The following REXO1 variants were observed in gnomAD, a reference collection of about 807,000 sequenced individuals.
The protein encoded by REXO1 is RNA exonuclease 1 homolog.
REXO1 carries 42 observed loss-of-function variants against 102.6 expected under a neutral mutation model. The observed-to-expected ratio is 0.41, with a 90% CI of 0.32 to 0.53. The LOEUF (loss-of-function observed/expected upper bound fraction) is 0.53. REXO1 is among the 20% of genes least tolerant of loss of function. The probability of loss-of-function intolerance (pLI) is 0.27; values close to 1 mark genes in which losing one functional copy is unlikely to be tolerated. For synonymous variants in REXO1, 908 were observed against 779.1 expected, an observed-to-expected ratio of 1.17 and a Z score of -2.76; for missense variants, 1,819 against 1,732.5, an observed-to-expected ratio of 1.05 and a Z score of -0.89.
intron 1 of REXO1, chr19:1,835,034 G>A (rs1183990929): frequency 2.5e-6 from 1 of 393,966 alleles, no homozygotes. Flanking sequence ...CCTGGGGCTC[G>A]GCCATGGCTG....
chr19:1,816,286 G>C lies in REXO1; in HGVS notation c.3516C>G (p.Pro1172=). 6.3e-7 allele frequency: 1 copy of C among 1,589,138 alleles called. No homozygotes were observed. The highest frequency in any genetic ancestry group is 8.6e-7 in the Non-Finnish European group (1 of 1,168,234). Residue 1172 remains proline, a synonymous_variant, in exon 15 of 16, where the codon CCC becomes CCG. Coordinates refer to ENST00000170168, the MANE Select transcript of REXO1 (RefSeq NM_020695.4). ...TGAGGTTCCGCAGGGACCGCTTGTA[G>C]GGGAGGCCCAGGCGGTGGGGGAAGA... ...SVLFPHRLGL[P]YKRSLRNLMA...
chr19:1,817,704 C>CACCT lies in REXO1; in HGVS notation c.3089_3090+2dup. ...CAGAGGGGACTGGGACGCCAGGGCT[C>CACCT]ACCTTTGCGACTTGGCAGCCGACAG... On this transcript the variant is annotated splice_region_variant and intron_variant, in intron 11 of 15. Coordinates refer to ENST00000170168, the MANE Select transcript of REXO1 (RefSeq NM_020695.4). The CACCT allele has an allele frequency of 6.2e-7, 1 of 1,612,010 alleles. No individual in the cohort carries two copies.
Position 1,816,292 on chromosome 19 carries a change from G to A in REXO1, c.3510C>T (p.Gly1170=). 6.3e-7 allele frequency: 1 copy of A among 1,588,402 alleles called. No homozygotes were observed. The highest frequency in any genetic ancestry group is 1.1e-5 in the South Asian group (1 of 87,910). ...DTSVLFPHRL[G]LPYKRSLRNL... Reference sequence around the variant, plus strand: ...TCCGCAGGGACCGCTTGTAGGGGAGGCCCAGGCGGTGGGGGAAGAGCACAG... The same window carrying A: ...TCCGCAGGGACCGCTTGTAGGGGAGACCCAGGCGGTGGGGGAAGAGCACAG... Residue 1170 remains glycine (G), a synonymous_variant, in exon 15 of 16, where the codon GGC becomes GGT. Transcript: ENST00000170168.
In REXO1 at chr19:1,817,725, G is replaced by C. The variant is rs780508756; in HGVS notation, c.3072C>G (p.Val1024=). The C allele has an allele frequency of 3.1e-6, 5 of 1,612,338 alleles. No homozygotes were observed. The East Asian group carries it at 1.1e-4, about 36-fold the overall frequency. The stretch of plus-strand genomic sequence containing the variant: ...GGCTCACCTTTGCGACTTGGCAGCC[G>C]ACAGAGCCGGCGGCAGCCGAGCAGC... ...YMCCSAAAGS[V]GCQVAKQHVQ... Residue 1024 remains valine (V), a synonymous_variant, in exon 11 of 16, where the codon GTC becomes GTG. Coordinates refer to ENST00000170168, the MANE Select transcript of REXO1 (RefSeq NM_020695.4).
In REXO1 at chr19:1,826,493, G is replaced by C. The variant is rs1217912001; in HGVS notation, c.1911+385C>G. ...ACAGAGATGGGGGAAGGGAGGAGGG[G>C]AGAAGAGAGGGGGAAGGGAGGAAAG... On this transcript the variant is annotated intron_variant, in intron 2 of 15. Coordinates refer to ENST00000170168, the MANE Select transcript of REXO1 (RefSeq NM_020695.4). The surrounding 1 kb of genome is among the most constrained non-coding windows in gnomAD (Gnocchi z 4.3). Among the ~76,000 whole-genome samples, 4 of 141,494 alleles carry C rather than the reference G, an allele frequency of 2.8e-5. No homozygotes were observed. The highest frequency in any genetic ancestry group is 7.7e-5 in the African/African-American group (3 of 38,776). 92.8% of individuals were successfully genotyped at this position (141,494 alleles called of 152,430 possible).
chr19:1,839,170 C>T (rs186178918), intron 1 of REXO1, among the ~76,000 whole-genome samples: 38 of 151,810 alleles, frequency 2.5e-4, no homozygotes, highest in Non-Finnish European at 3.7e-4. Context: ...GCAAAAGTAT[C>T]ACTTGAACCC....
In REXO1 at chr19:1,823,774, CG is replaced by C; in HGVS notation, c.2027del (p.Pro676ArgfsTer95). 8.0e-7 allele frequency: 1 copy of C among 1,245,234 alleles called. No individual in the cohort carries two copies. The highest frequency in any genetic ancestry group is 1.0e-6 in the Non-Finnish European group (1 of 986,974). 77.1% of individuals were successfully genotyped at this position (1,245,234 alleles called of 1,614,324 possible). On this transcript the variant is annotated frameshift_variant, in exon 4 of 16. Transcript: ENST00000170168. LOFTEE classifies it high-confidence loss of function. The stretch of plus-strand genomic sequence containing the variant: ...CCGGGGGCACCGCGGGACCCCTCCT[CG>C]GGGGCTCCACCTGCGTCACCACAAA... Reference protein sequence around the residue: ...LSKQGQEVEPPRRGPAVPPAR... With the variant: ...LSKQGQEVEPXRRGPAVPPAR...
chr19:1,829,770 T>C (rs2069853781), intron 1 of REXO1, among the ~76,000 whole-genome samples: 1 of 152,028 alleles, frequency 6.6e-6, no homozygotes, highest in Non-Finnish European at 1.5e-5. Context: ...ATCACACCAT[T>C]GCACTCCAGC....
chr19:1,848,186 G>A lies in REXO1; in HGVS notation c.157+16C>T, dbSNP rs897937017. ...AGGGGAGCCGAGCCCAAGGCAAGCA[G>A]GCGGGCGGGCATTACCTGCTGCGGG... is the stretch of plus-strand genomic sequence containing the variant. On this transcript the variant is annotated intron_variant, in intron 1 of 15. Coordinates refer to ENST00000170168, the MANE Select transcript of REXO1 (RefSeq NM_020695.4). The A allele has an allele frequency of 8.4e-7, 1 of 1,193,898 alleles. No individual in the cohort carries two copies. The allele number at this position is 1,193,898 out of a possible 1,614,324, so 74.0% of individuals were successfully genotyped here.
At chr19:1,817,667 G>A in intron 11 of REXO1, 40 bp downstream of exon 11, 1 of 1,592,224 alleles carries the variant, frequency 6.3e-7, no homozygotes, top group Non-Finnish European at 8.6e-7. Flanking sequence ...GCAGAAGTCT[G>A]TTGAGAACAG....
At position 1,848,207 on chromosome 19, in the gene REXO1, G is replaced by A. The variant is rs2011647229; in HGVS notation, c.152C>T (p.Ala51Val). 1.6e-6 allele frequency: 2 copies of A among 1,219,656 alleles called. No homozygotes were observed. Among genetic ancestry groups the A allele is most frequent in the Non-Finnish European group, 2.0e-6 (2 of 976,884 alleles). The allele number at this position is 1,219,656 out of a possible 1,614,324, so 75.6% of individuals were successfully genotyped here. A position where few individuals can be genotyped will look rare whatever the true frequency, so the allele number is the denominator to read the frequency against. ...APGDGGEAPP[A>V]AGLGYDPYNP... Reference sequence around the variant, plus strand: ...AGCAGGCGGGCGGGCATTACCTGCTGCGGGGGGCGCCTCTCCGCCGTCACC... The same window carrying A: ...AGCAGGCGGGCGGGCATTACCTGCTACGGGGGGCGCCTCTCCGCCGTCACC... The change falls in exon 1 of 16, where the codon GCA becomes GTA. Residue 51 changes from alanine (A) to valine (V), a missense_variant. By Grantham distance (64) the Ala-to-Val change is moderately conservative. Transcript: ENST00000170168.
intron 1 of REXO1, among the ~76,000 whole-genome samples, chr19:1,836,565 G>T (rs2070042271): frequency 6.6e-6 from 1 of 152,030 alleles, no homozygotes; most frequent in African/African-American, 2.4e-5. Flanking sequence ...GGACAATAAG[G>T]TAAAACCCCG....
In REXO1 at chr19:1,818,835, G is replaced by A. The variant is rs778400685; in HGVS notation, c.2773C>T (p.Leu925=). Residue 925 remains leucine (L), a synonymous_variant, in exon 9 of 16, where the codon CTG becomes TTG. Coordinates refer to ENST00000170168, the MANE Select transcript of REXO1 (RefSeq NM_020695.4). The part of the protein sequence containing the change: ...PRVEDLKGAA[L]YSRLREYLLT... ...AGGTACTCCCTGAGGCGGCTGTACAGGGCAGCCCCTGTGGACAGGCACAGT... is the reference window on the plus strand; with the variant it reads ...AGGTACTCCCTGAGGCGGCTGTACAAGGCAGCCCCTGTGGACAGGCACAGT... The A allele has an allele frequency of 3.1e-6, 5 of 1,609,194 alleles. No homozygotes were observed. In the African/African-American group the frequency reaches 5.3e-5, roughly 17 times the overall value.
intron 1 of REXO1, among the ~76,000 whole-genome samples, chr19:1,839,255 C>CAAAA (rs56278521): frequency 6.0e-5 from 8 of 133,442 alleles, no homozygotes; most frequent in African/African-American, 8.0e-5. Context: ...ACTCTATCTC[C>CAAAA]AAAAAAAAAA....
intron 1 of REXO1, among the ~76,000 whole-genome samples, chr19:1,840,039 G>A (rs1331557623): frequency 6.6e-6 from 1 of 152,214 alleles, no homozygotes; most frequent in Non-Finnish European, 1.5e-5. Flanking sequence ...AAAATGGACT[G>A]TGACCCGTGA....
At position 1,825,870 on chromosome 19, in the gene REXO1, C is replaced by T; in HGVS notation, c.1985G>A (p.Arg662Lys). The change falls in exon 3 of 16, where the codon AGG becomes AAG. Residue 662 changes from arginine (R) to lysine (K), a missense_variant. Arg to Lys is a conservative substitution (Grantham distance 26, BLOSUM62 2). Coordinates refer to ENST00000170168, the MANE Select transcript of REXO1 (RefSeq NM_020695.4). ...GCCTTGCTTGGAAAGGTGGGAGATC[C>T]TCCTCTTCTGCCCGGGGAACAGAGT... ...LTTLFPGQKRRISHLSKQGQE... is the reference protein window; with the variant it reads ...LTTLFPGQKRKISHLSKQGQE... 6.2e-7 allele frequency: 1 copy of T among 1,613,622 alleles called. No homozygotes were observed. Among genetic ancestry groups the T allele is most frequent in the Middle Eastern group, 1.7e-4 (1 of 6,054 alleles).
Position 1,826,437 on chromosome 19 carries a change from G to A in REXO1, c.1911+441C>T, listed in dbSNP as rs1370898985. 6.7e-6 allele frequency among the ~76,000 whole-genome samples: 1 copy of A among 149,904 alleles called. No homozygotes were observed. The highest frequency in any genetic ancestry group is 2.5e-5 in the African/African-American group (1 of 40,186). On this transcript the variant is annotated intron_variant, in intron 2 of 15. Coordinates refer to ENST00000170168, the MANE Select transcript of REXO1 (RefSeq NM_020695.4). The surrounding 1 kb of genome is among the most constrained non-coding windows in gnomAD (Gnocchi z 4.3). ...CCGGAGGGGATGAGGAGGAGGCAAG[G>A]AGAGGAGACAGAGGAGCTGGAAGAG...
intron 1 of REXO1, among the ~76,000 whole-genome samples, chr19:1,830,106 G>A (rs924849143): frequency 4.6e-5 from 7 of 152,208 alleles, no homozygotes; most frequent in East Asian, 1.9e-4. Flanking sequence ...GGGACAGGCC[G>A]AAGGAGTCTA....
In REXO1 at chr19:1,816,171, G is replaced by A; in HGVS notation, c.3578-17C>T. 3 of 1,554,558 alleles carry A rather than the reference G, an allele frequency of 1.9e-6. No individual in the cohort carries two copies. Among genetic ancestry groups the A allele is most frequent in the Non-Finnish European group, 2.6e-6 (3 of 1,148,498 alleles). The stretch of plus-strand genomic sequence containing the variant: ...GCCCATCCACTGCGGGGCAGATGCG[G>A]TGAGCACCCGGCCCCTGCGCAGGGA... On this transcript the variant is annotated splice_polypyrimidine_tract_variant and intron_variant, in intron 15 of 15. Coordinates refer to ENST00000170168, the MANE Select transcript of REXO1 (RefSeq NM_020695.4).
Sources: gnomAD v4.1 joint callset for allele counts (sites outside exome capture counted in the v4.1 genomes callset) on GRCh38, gnomAD v4.1.1 for gene constraint, Gnocchi (gnomAD v3.1) non-coding constraint, MANE v1.5 for transcripts, NCBI Gene and HGNC (gene_info 2026-07-23, HGNC 2026-07-21) for gene names.